The following CYTH3 variants were observed in gnomAD, a reference collection of about 807,000 sequenced individuals.
The protein encoded by CYTH3 is cytohesin 3.
In CYTH3, 23 loss-of-function variants were observed where a neutral mutation model predicts 55.1. The observed-to-expected ratio is 0.42, with a 90% CI of 0.30 to 0.59. The LOEUF (loss-of-function observed/expected upper bound fraction) is 0.59. Ranked by LOEUF, CYTH3 falls within the 20% of genes least tolerant of loss-of-function variation. The probability of loss-of-function intolerance (pLI) is 0.20; values close to 1 mark genes in which losing one functional copy is unlikely to be tolerated. For missense variants in CYTH3, 413 were observed against 524.8 expected, an observed-to-expected ratio of 0.79 and a Z score of 2.08; for synonymous variants, 249 against 194.9, an observed-to-expected ratio of 1.28 and a Z score of -2.31.
chr7:6,219,914 C>T (rs1244972873), intron 1 of CYTH3, among the ~76,000 whole-genome samples: 7 of 152,028 alleles, frequency 4.6e-5, no homozygotes, highest in Non-Finnish European at 2.9e-5. Context: ...TCAAGGCTTA[C>T]ATAACTATAT....
At chr7:6,196,586 A>G (rs774747787) in intron 1 of CYTH3, among the ~76,000 whole-genome samples, 3 of 151,458 alleles carry the variant, frequency 2.0e-5, no homozygotes, top group South Asian at 2.1e-4. Context: ...CAGCCTCACA[A>G]GTAGCTGGGA....
intron 1 of CYTH3, among the ~76,000 whole-genome samples, chr7:6,222,820 A>G (rs771537655): frequency 6.6e-6 from 1 of 152,050 alleles, no homozygotes; most frequent in Non-Finnish European, 1.5e-5. Flanking sequence ...ATACATTATT[A>G]TAAAGTGTTC....
chr7:6,235,244 G>A (rs1228371888), intron 1 of CYTH3, among the ~76,000 whole-genome samples: 1 of 152,208 alleles, frequency 6.6e-6, no homozygotes, highest in Non-Finnish European at 1.5e-5. Context: ...GGGATGCCAA[G>A]GCGAGCACAT....
At chr7:6,185,991 T>C (rs1783637450) in intron 4 of CYTH3, among the ~76,000 whole-genome samples, 1 of 151,706 alleles carries the variant, frequency 6.6e-6, no homozygotes, top group Non-Finnish European at 1.5e-5. Context: ...ACGCACATAA[T>C]CCCAGCACTT....
rs1056995269 is a variant in CYTH3 at position 6,166,289 on chromosome 7, C to T, written c.824-479G>A. ...ACAAGATCTGGAGCACACGTGCACA[C>T]GCACGTACCCCCATCTGTACCTGCC... On this transcript the variant is annotated intron_variant, in intron 9 of 12. Transcript: ENST00000350796. Among the ~76,000 whole-genome samples the T allele has an allele frequency of 5.3e-5, 8 of 152,256 alleles. No homozygotes were observed. The East Asian group carries it at 5.8e-4, about 11-fold the overall frequency.
chr7:6,178,678 G>A (rs1211815552), intron 4 of CYTH3, among the ~76,000 whole-genome samples: 1 of 152,106 alleles, frequency 6.6e-6, no homozygotes, highest in Non-Finnish European at 1.5e-5. Context: ...GATAAACCTC[G>A]CCCTGTGTAA....
chr7:6,234,104 C>G (rs541744310), intron 1 of CYTH3, among the ~76,000 whole-genome samples: 47 of 152,184 alleles, frequency 3.1e-4, no homozygotes, highest in Non-Finnish European at 6.2e-4. Context: ...AATATTCAAT[C>G]CATTACAACA....
At chr7:6,269,841 T>G (rs1280148621) in intron 1 of CYTH3, among the ~76,000 whole-genome samples, 1 of 152,190 alleles carries the variant, frequency 6.6e-6, no homozygotes, top group East Asian at 1.9e-4. Flanking sequence ...TAGGAATCAA[T>G]TTTTCAAGTC....
At chr7:6,207,280 G>C (rs934009580) in intron 1 of CYTH3, among the ~76,000 whole-genome samples, 2 of 151,736 alleles carry the variant, frequency 1.3e-5, no homozygotes. Context: ...ATTTTTAGTA[G>C]AGACAGGGCT....
chr7:6,219,690 CAG>C (rs925536909), intron 1 of CYTH3, among the ~76,000 whole-genome samples: 21 of 152,080 alleles, frequency 1.4e-4, no homozygotes, highest in Admixed American at 1.1e-3. Flanking sequence ...CTGTGAAATA[CAG>C]AGGAGACCCA....
rs147645251 is a variant in CYTH3, at chr7:6,168,326, C to G, written c.823+2209G>C. Among the ~76,000 whole-genome samples the G allele has an allele frequency of 7.2e-3, 1,097 of 151,486 alleles. 6 individuals carry two copies. The highest frequency in any genetic ancestry group is 0.012 in the Non-Finnish European group (829 of 67,928). ...ACACAGCAGGGCTCCTACGCTCTGG[C>G]AAAGCATCCAGGCCTTTTTAAGACC... is the stretch of plus-strand genomic sequence containing the variant. On this transcript the variant is annotated intron_variant, in intron 9 of 12. Coordinates refer to ENST00000350796, the MANE Select transcript of CYTH3 (RefSeq NM_004227.4).
chr7:6,247,800 C>G (rs2115043652), intron 1 of CYTH3, among the ~76,000 whole-genome samples: 1 of 152,030 alleles, frequency 6.6e-6, no homozygotes, highest in South Asian at 2.1e-4. Flanking sequence ...GCAGCGTGTA[C>G]CACCACACCT....
chr7:6,202,514 G>A (rs1166557539), intron 1 of CYTH3, among the ~76,000 whole-genome samples: 2 of 148,754 alleles, frequency 1.3e-5, no homozygotes, highest in Non-Finnish European at 3.0e-5. Flanking sequence ...CCAGGCTGGA[G>A]TGCAGTGGTG....
intron 1 of CYTH3, among the ~76,000 whole-genome samples, chr7:6,252,054 TAAGAC>T (rs1477251362): frequency 1.3e-5 from 2 of 152,216 alleles, no homozygotes; most frequent in African/African-American, 2.4e-5. Context: ...CTGGTCCTGT[TAAGAC>T]AGAGCAGAAG....
At chr7:6,180,379 G>A (rs1336107836) in intron 4 of CYTH3, among the ~76,000 whole-genome samples, 1 of 152,246 alleles carries the variant, frequency 6.6e-6, no homozygotes, top group Non-Finnish European at 1.5e-5. Flanking sequence ...GGACACAGAA[G>A]CTCTGCGTTC....
intron 1 of CYTH3, among the ~76,000 whole-genome samples, chr7:6,231,098 T>G (rs116269730): frequency 6.6e-6 from 1 of 152,332 alleles, no homozygotes; most frequent in African/African-American, 2.4e-5. Flanking sequence ...TTAGACTTCA[T>G]CAAACACTAC....
chr7:6,230,199 C>A (rs1384071004), intron 1 of CYTH3, among the ~76,000 whole-genome samples: 9 of 152,042 alleles, frequency 5.9e-5, no homozygotes, highest in African/African-American at 2.2e-4. Flanking sequence ...GTTGTGAGAC[C>A]ACCAAACAAA....
chr7:6,257,553 A>C (rs953739379), intron 1 of CYTH3, among the ~76,000 whole-genome samples: 1 of 147,288 alleles, frequency 6.8e-6, no homozygotes, highest in Non-Finnish European at 1.5e-5. Context: ...AGAATACGAA[A>C]ACGTATTTTG....
chr7:6,261,368 G>C (rs1403002703), intron 1 of CYTH3, among the ~76,000 whole-genome samples: 2 of 152,172 alleles, frequency 1.3e-5, no homozygotes, highest in Non-Finnish European at 2.9e-5. Context: ...AACCACTAAA[G>C]GCTATAACCT....
Sources: gnomAD v4.1 joint callset for allele counts (sites outside exome capture counted in the v4.1 genomes callset) on GRCh38, gnomAD v4.1.1 for gene constraint, MANE v1.5 for transcripts, NCBI Gene and HGNC (gene_info 2026-07-23, HGNC 2026-07-21) for gene names.